DAB1: variants seen among roughly 807,000 people sequenced by gnomAD.
DAB1 encodes DAB adaptor protein 1, also known as disabled homolog 1.
A neutral mutation model predicts 64.6 loss-of-function variants in DAB1; 15 were observed. The ratio of observed to expected loss-of-function variants is 0.23; its 90% confidence interval spans 0.16 to 0.36. The LOEUF (loss-of-function observed/expected upper bound fraction) is 0.36, where lower values mean the gene tolerates loss of function less well. Among genes scored for constraint, DAB1 ranks in the 10% least tolerant of loss-of-function variants. The probability of loss-of-function intolerance (pLI) is 1.00; values close to 1 mark genes in which losing one functional copy is unlikely to be tolerated. For synonymous variants in DAB1, 235 were observed against 251.9 expected (o/e 0.93, Z 0.64); for missense variants, 596 against 706.7 (o/e 0.84, Z 1.78).
chr1:57,722,317 G>C (rs1647161221), intron 6 of DAB1, among the ~76,000 whole-genome samples: 1 of 152,144 alleles, frequency 6.6e-6, no homozygotes, highest in Non-Finnish European at 1.5e-5. Flanking sequence ...GATGAAGCTG[G>C]AAAAGGGCAG....
rs188935391 is a variant in DAB1, at chr1:58,432,149, G to A, written n.257+73911C>T. 2.6e-4 allele frequency among the ~76,000 whole-genome samples: 40 copies of A among 152,248 alleles called. 1 individual carries two copies. The highest frequency in any genetic ancestry group is 7.7e-4 in the African/African-American group (32 of 41,544). The stretch of plus-strand genomic sequence containing the variant: ...CTATCTCAGGGTCTCTGCCTGGAAT[G>A]CTCTCCATGCCCATCCTTTGCATGG... On this transcript the variant is annotated intron_variant and non_coding_transcript_variant, in intron 3 of 20. Transcript: ENST00000485760.
intron 1 of DAB1, among the ~76,000 whole-genome samples, chr1:57,320,194 C>T (rs1675588126): frequency 6.6e-6 from 1 of 152,114 alleles, no homozygotes; most frequent in Non-Finnish European, 1.5e-5. Context: ...CCAGCAAGGT[C>T]CCAGAAGGTG....
chr1:57,357,116 C>G (rs1679172428), intron 1 of DAB1, among the ~76,000 whole-genome samples: 1 of 152,100 alleles, frequency 6.6e-6, no homozygotes, highest in African/African-American at 2.4e-5. Flanking sequence ...CCAATACACT[C>G]TAGCACATAA....
At chr1:57,477,431 A>G (rs973836698) in intron 7 of DAB1, among the ~76,000 whole-genome samples, 6 of 152,154 alleles carry the variant, frequency 3.9e-5, no homozygotes, top group Admixed American at 3.9e-4. Flanking sequence ...AGTCCATTAC[A>G]TTGATTTCAT....
At chr1:58,068,049 A>G (rs1217817463) in intron 5 of DAB1, among the ~76,000 whole-genome samples, 2 of 152,222 alleles carry the variant, frequency 1.3e-5, no homozygotes, top group Non-Finnish European at 2.9e-5. Context: ...GTTCTCAAAC[A>G]TTTGAAGTGG....
intron 7 of DAB1, among the ~76,000 whole-genome samples, chr1:57,501,684 T>C (rs1644291304): frequency 6.6e-6 from 1 of 152,200 alleles, no homozygotes; most frequent in Admixed American, 6.5e-5. Context: ...TAAAAGCAGT[T>C]TGAAAATTTT....
Position 57,730,528 on chromosome 1 carries a change from C to T in DAB1, n.552-80863G>A, listed in dbSNP as rs577686291. On this transcript the variant is annotated intron_variant and non_coding_transcript_variant, in intron 6 of 20. Coordinates refer to the DAB1 transcript ENST00000485760. The stretch of plus-strand genomic sequence containing the variant: ...GTAGATGTCTCCAAACTTAAGGGGG[C>T]CTGAAGGGGGAGTTTTGGAAGGATA... 2.7e-5 allele frequency among the ~76,000 whole-genome samples: 4 copies of T among 147,742 alleles called. No individual in the cohort carries two copies. In the East Asian group the frequency reaches 8.1e-4, roughly 30 times the overall value.
intron 5 of DAB1, chr1:58,071,405 TGG>T (rs1553157590): frequency 0.013 from 1,953 of 144,892 alleles, 51 homozygotes; most frequent in African/African-American, 0.048. Context: ...TGTGTGTGTG[TGG>T]GTGGGGAGAG....
intron 1 of DAB1, among the ~76,000 whole-genome samples, chr1:57,364,300 A>C (rs1679790308): frequency 6.6e-6 from 1 of 152,196 alleles, no homozygotes; most frequent in Non-Finnish European, 1.5e-5. Flanking sequence ...TCCAAATGAA[A>C]ATTCCAAAAT....
intron 3 of DAB1, among the ~76,000 whole-genome samples, chr1:58,441,224 T>C (rs953171756): frequency 6.6e-6 from 1 of 152,182 alleles, no homozygotes; most frequent in Admixed American, 6.5e-5. Context: ...TCTGAAGGGA[T>C]AGATGCCACG....
chr1:58,038,828 T>C (rs192106275), intron 5 of DAB1, among the ~76,000 whole-genome samples: 71 of 152,310 alleles, frequency 4.7e-4, no homozygotes, highest in South Asian at 8.3e-4. Flanking sequence ...GCTTAATACA[T>C]GTAGAAAGTT....
intron 5 of DAB1, among the ~76,000 whole-genome samples, chr1:58,055,636 C>T (rs912963878): frequency 2.0e-5 from 3 of 152,184 alleles, no homozygotes; most frequent in African/African-American, 7.2e-5. Flanking sequence ...ATGCTAGATG[C>T]TCAGCAAATA....
intron 7 of DAB1, among the ~76,000 whole-genome samples, chr1:57,508,118 T>C (rs1570582489): frequency 6.6e-6 from 1 of 152,234 alleles, no homozygotes; most frequent in Non-Finnish European, 1.5e-5. Flanking sequence ...CCTTCATTAC[T>C]GCCCTCCTCA....
Position 57,493,762 on chromosome 1 carries a change from G to GCACACACACACACACACACACACA in DAB1, n.625+155829_625+155830insTGTGTGTGTGTGTGTGTGTGTGTG, listed in dbSNP as rs1414667024. ...AGGGAGGCAGGCTGACGTATTCACA[G>GCACACACACACACACACACACACA]CTCACACACACACACACACACACAC... On this transcript the variant is annotated intron_variant and non_coding_transcript_variant, in intron 7 of 20. Coordinates refer to the DAB1 transcript ENST00000485760. 6.3e-3 allele frequency among the ~76,000 whole-genome samples: 949 copies of GCACACACACACACACACACACACA among 150,160 alleles called. 11 individuals carry two copies. Among genetic ancestry groups the GCACACACACACACACACACACACA allele is most frequent in the African/African-American group, 0.022 (869 of 39,982 alleles).
At chr1:58,041,562 G>T (rs1442653352) in intron 5 of DAB1, among the ~76,000 whole-genome samples, 1 of 152,202 alleles carries the variant, frequency 6.6e-6, no homozygotes, top group Non-Finnish European at 1.5e-5. Context: ...ACATTGTGGG[G>T]TAGAGTAACC....
chr1:57,143,825 G>T (rs918231320), intron 3 of DAB1, among the ~76,000 whole-genome samples: 1 of 146,560 alleles, frequency 6.8e-6, no homozygotes, highest in Non-Finnish European at 1.5e-5. Context: ...CACCTAACAA[G>T]CTTTTTTTTT....
At chr1:57,010,920 G>T in intron 13 of DAB1, 130 bp from the exon 14 acceptor site, 1 of 849,764 alleles carries the variant, frequency 1.2e-6, no homozygotes, top group Non-Finnish European at 1.8e-6. Context: ...TTTAGAGGAT[G>T]CTACACCACA....
chr1:57,156,822 C>T (rs538553273), intron 2 of DAB1, among the ~76,000 whole-genome samples: 55 of 152,270 alleles, frequency 3.6e-4, no homozygotes, highest in African/African-American at 1.1e-3. Context: ...TAAATCCAGC[C>T]GATTCTTCTG....
intron 2 of DAB1, among the ~76,000 whole-genome samples, chr1:57,252,684 T>C (rs1050423489): frequency 8.5e-5 from 13 of 152,172 alleles, no homozygotes; most frequent in Admixed American, 3.3e-4. Context: ...TATAGATGAT[T>C]TGGTCACTGA....
Sources: gnomAD v4.1 joint callset for allele counts (sites outside exome capture counted in the v4.1 genomes callset) on GRCh38, gnomAD v4.1.1 for gene constraint, MANE v1.5 for transcripts, NCBI Gene and HGNC (gene_info 2026-07-23, HGNC 2026-07-21) for gene names.